Variants in IGF2BP2 observed in about 807,000 individuals in gnomAD.
IGF2BP2 encodes the protein insulin like growth factor 2 mRNA binding protein 2, also known as insulin-like growth factor 2 mRNA-binding protein 2.
IGF2BP2 carries 17 observed loss-of-function variants against 75.8 expected under a neutral mutation model. The observed-to-expected ratio is 0.22, with a 90% confidence interval of 0.15 to 0.34. IGF2BP2 has a LOEUF of 0.34. Among genes scored for constraint, IGF2BP2 ranks in the 10% least tolerant of loss-of-function variants. The pLI, the probability that IGF2BP2 is intolerant of heterozygous loss-of-function variation, is 1.00. For synonymous variants in IGF2BP2, 288 were observed against 295.6 expected, an observed-to-expected ratio of 0.97 and a Z score of 0.26; for missense variants, 516 against 772.4, an observed-to-expected ratio of 0.67 and a Z score of 3.93.
intron 7 of IGF2BP2, among the ~76,000 whole-genome samples, chr3:185,678,931 T>C (rs1577939108): frequency 6.6e-6 from 1 of 152,200 alleles, no homozygotes; most frequent in East Asian, 1.9e-4. Flanking sequence ...CTGATAATAG[T>C]ATAGCTACTC....
intron 7 of IGF2BP2, among the ~76,000 whole-genome samples, chr3:185,685,376 T>A (rs1343906740): frequency 1.3e-5 from 2 of 152,048 alleles, no homozygotes; most frequent in African/African-American, 2.4e-5. Flanking sequence ...TATTATTTAC[T>A]AAGTTCCCAG....
chr3:185,775,881 T>C (rs1482911792), intron 2 of IGF2BP2, among the ~76,000 whole-genome samples: 1 of 152,202 alleles, frequency 6.6e-6, no homozygotes, highest in Non-Finnish European at 1.5e-5. Context: ...AGAGAAATAC[T>C]TATATATAAG....
At position 185,754,512 on chromosome 3, in the gene IGF2BP2, C is replaced by T. The variant is rs114908608; in HGVS notation, c.240-56165G>A. On this transcript the variant is annotated intron_variant, in intron 2 of 15. Coordinates refer to ENST00000382199, the MANE Select transcript of IGF2BP2 (RefSeq NM_006548.6). ...GCACTGCTATAAAGATAAAGAAAGA[C>T]GTGGAAGCGGCTGTGGATCTGGGTA... 7.7e-3 allele frequency among the ~76,000 whole-genome samples: 1,170 copies of T among 152,134 alleles called. 17 individuals carry two copies. The highest frequency in any genetic ancestry group is 0.026 in the African/African-American group (1,090 of 41,520).
intron 2 of IGF2BP2, among the ~76,000 whole-genome samples, chr3:185,766,252 T>G (rs1733039017): frequency 6.6e-6 from 1 of 152,182 alleles, no homozygotes; most frequent in Non-Finnish European, 1.5e-5. Context: ...GCCCCAAATT[T>G]ATTTGCCACT....
chr3:185,799,545 G>A (rs991629738), intron 2 of IGF2BP2, among the ~76,000 whole-genome samples: 16 of 152,084 alleles, frequency 1.1e-4, no homozygotes, highest in Admixed American at 2.0e-4. Flanking sequence ...TCAGGAGACC[G>A]AGACCATCCT....
At chr3:185,698,093 T>C (rs1578009277) in intron 3 of IGF2BP2, among the ~76,000 whole-genome samples, 2 of 152,228 alleles carry the variant, frequency 1.3e-5, no homozygotes, top group Non-Finnish European at 2.9e-5. Context: ...AGACAGAACA[T>C]GAGGGATCAA....
At chr3:185,812,169 C>A (rs1222575534) in intron 2 of IGF2BP2, among the ~76,000 whole-genome samples, 1 of 152,138 alleles carries the variant, frequency 6.6e-6, no homozygotes, top group African/African-American at 2.4e-5. Flanking sequence ...GTTCGTGGAG[C>A]CCCACCTTAC....
At chr3:185,678,893 G>A (rs888187918) in intron 7 of IGF2BP2, among the ~76,000 whole-genome samples, 9 of 152,000 alleles carry the variant, frequency 5.9e-5, no homozygotes, top group Non-Finnish European at 1.0e-4. Flanking sequence ...TTTGTCTCTC[G>A]TAACAGTTTT....
chr3:185,815,098 C>T lies in IGF2BP2; in HGVS notation c.239+8055G>A, dbSNP rs112105714. On this transcript the variant is annotated intron_variant, in intron 2 of 15. Coordinates refer to ENST00000382199, the MANE Select transcript of IGF2BP2 (RefSeq NM_006548.6). Reference sequence around the variant, plus strand: ...AGGCATGGAACAGGCCCTCCTCCCACACTGCATACATGTATGTTTTTTACA... The same window carrying T: ...AGGCATGGAACAGGCCCTCCTCCCATACTGCATACATGTATGTTTTTTACA... Among the ~76,000 whole-genome samples the T allele has an allele frequency of 2.1e-3, 315 of 152,112 alleles. 3 individuals are homozygous for T. The highest frequency in any genetic ancestry group is 3.5e-3 in the Non-Finnish European group (238 of 67,970).
In IGF2BP2 at chr3:185,771,978, C is replaced by T. The variant is rs116806852; in HGVS notation, c.239+51175G>A. On this transcript the variant is annotated intron_variant, in intron 2 of 15. Transcript: ENST00000382199. ...ATCTGGTTAGGTCAGAAGTAGGCAT[C>T]TCTGCCCCAAACAGAGCCAGTCAGA... 4.2e-3 allele frequency among the ~76,000 whole-genome samples: 638 copies of T among 152,272 alleles called. 6 individuals are homozygous for T. Among genetic ancestry groups the T allele is most frequent in the African/African-American group, 0.015 (604 of 41,540 alleles).
intron 2 of IGF2BP2, among the ~76,000 whole-genome samples, chr3:185,786,506 G>A (rs1291326084): frequency 6.6e-6 from 1 of 151,930 alleles, no homozygotes; most frequent in East Asian, 1.9e-4. Context: ...CCTTCTCCTG[G>A]CTCAGAAGCT....
intron 2 of IGF2BP2, among the ~76,000 whole-genome samples, chr3:185,794,003 G>A (rs1239803127): frequency 6.8e-6 from 1 of 146,712 alleles, no homozygotes; most frequent in African/African-American, 2.5e-5. Flanking sequence ...CTGTCGCCCA[G>A]GCTAGAGTGC....
chr3:185,822,170 T>C (rs562257847), intron 2 of IGF2BP2, among the ~76,000 whole-genome samples: 247 of 152,324 alleles, frequency 1.6e-3, no homozygotes, highest in African/African-American at 5.6e-3. Flanking sequence ...TTAGGGTAGT[T>C]TGTTTTAAAA....
chr3:185,708,656 C>T (rs957405357), intron 2 of IGF2BP2, among the ~76,000 whole-genome samples: 11 of 152,054 alleles, frequency 7.2e-5, no homozygotes, highest in Non-Finnish European at 1.6e-4. Flanking sequence ...TCTGCTTATC[C>T]CTGGCTCCAA....
At chr3:185,734,676 AT>A (rs1728625355) in intron 2 of IGF2BP2, among the ~76,000 whole-genome samples, 1 of 152,240 alleles carries the variant, frequency 6.6e-6, no homozygotes, top group Non-Finnish European at 1.5e-5. Context: ...GTGGAAAAAA[AT>A]AATTTTAATT....
At chr3:185,731,216 A>G (rs958002205) in intron 2 of IGF2BP2, among the ~76,000 whole-genome samples, 8 of 152,104 alleles carry the variant, frequency 5.3e-5, no homozygotes, top group African/African-American at 1.7e-4. Context: ...GAGAGAAGAC[A>G]AAGAGCAGGC....
intron 2 of IGF2BP2, among the ~76,000 whole-genome samples, chr3:185,713,070 A>ATG (rs1560339915): frequency 6.9e-6 from 1 of 145,688 alleles, no homozygotes; most frequent in Admixed American, 6.7e-5. Context: ...CCCTACAGAT[A>ATG]TGTATGTGTG....
intron 15 of IGF2BP2, 161 bp downstream of exon 15, chr3:185,646,864 C>T (rs1439012279): frequency 4.4e-5 from 28 of 630,422 alleles, no homozygotes; most frequent in Middle Eastern, 4.2e-4. Flanking sequence ...ATGTCCCCTG[C>T]CCCGGGGGCC....
At chr3:185,808,276 G>A (rs1739321478) in intron 2 of IGF2BP2, among the ~76,000 whole-genome samples, 1 of 151,826 alleles carries the variant, frequency 6.6e-6, no homozygotes, top group African/African-American at 2.4e-5. Context: ...AGGAGTTCAA[G>A]ACCAGCCTGC....
Sources: gnomAD v4.1 joint callset for allele counts (sites outside exome capture counted in the v4.1 genomes callset) on GRCh38, gnomAD v4.1.1 for gene constraint, MANE v1.5 for transcripts, NCBI Gene and HGNC (gene_info 2026-07-23, HGNC 2026-07-21) for gene names.